The following GPR141 variants were observed in gnomAD, a reference collection of about 807,000 sequenced individuals.
GPR141 encodes G protein-coupled receptor 141.
A neutral mutation model predicts 6.8 loss-of-function variants in GPR141; 6 were observed. That is an observed-to-expected ratio of 0.88 (90% confidence interval 0.48 to 1.74). GPR141 has a LOEUF of 1.74. Ranked by LOEUF, GPR141 falls within the 40% of genes most tolerant of loss-of-function variation. The pLI is 0.01. For synonymous variants in GPR141, 140 were observed against 142.3 expected (o/e 0.98, Z 0.11); for missense variants, 372 against 372.9 (o/e 1.00, Z 0.02).
At chr7:37,714,676 A>G (rs1810963137) in intron 2 of GPR141, among the ~76,000 whole-genome samples, 1 of 152,208 alleles carries the variant, frequency 6.6e-6, no homozygotes, top group South Asian at 2.1e-4. Context: ...CTTCCCTTCC[A>G]TTGTCCTCAC....
At chr7:37,720,639 G>A (rs1811272603) in intron 2 of GPR141, among the ~76,000 whole-genome samples, 1 of 151,740 alleles carries the variant, frequency 6.6e-6, no homozygotes, top group African/African-American at 2.4e-5. Context: ...TACTCAGGAG[G>A]CTGAGGCAGG....
rs574467997 is a variant in GPR141, at chr7:37,699,142, G to A, written c.-15+13559G>A. On this transcript the variant is annotated intron_variant, in intron 2 of 2. Transcript: ENST00000334425. ...AAAACATACTTTGATCCAGAATCAC[G>A]GATTGGCAGTTTTTTTTTCTATGAA... is the stretch of plus-strand genomic sequence containing the variant. 2.6e-5 allele frequency among the ~76,000 whole-genome samples: 4 copies of A among 152,282 alleles called. No homozygotes were observed. The South Asian group carries it at 6.2e-4, about 24-fold the overall frequency.
At chr7:37,732,510 G>A (rs559305316) in intron 2 of GPR141, among the ~76,000 whole-genome samples, 12 of 152,214 alleles carry the variant, frequency 7.9e-5, no homozygotes, top group Admixed American at 1.3e-4. Flanking sequence ...CTGATTAAGT[G>A]TGGACAGAGC....
At chr7:37,691,287 CCTTTTTTTTTTTT>C (rs1809753907) in intron 2 of GPR141, among the ~76,000 whole-genome samples, 2 of 93,662 alleles carry the variant, frequency 2.1e-5, no homozygotes, top group Admixed American at 1.5e-4. Flanking sequence ...CAGTCTATAT[CCTTTTTTTTTTTT>C]TTTTTTTTTT....
At chr7:37,690,011 T>G (rs866462234) in intron 2 of GPR141, among the ~76,000 whole-genome samples, 1 of 152,090 alleles carries the variant, frequency 6.6e-6, no homozygotes, top group Non-Finnish European at 1.5e-5. Flanking sequence ...TTTCTACTTT[T>G]TCGATGTAGG....
At chr7:37,718,511 CGAAGGAAGGAAGAAAG>C (rs1179425349) in intron 2 of GPR141, among the ~76,000 whole-genome samples, 5,169 of 87,222 alleles carry the variant, frequency 0.059, 305 homozygotes, top group African/African-American at 0.19. Context: ...GACTCTGTCT[CGAAGGAAGGAAGAAAG>C]GAAGGAAGGA....
intron 2 of GPR141, among the ~76,000 whole-genome samples, chr7:37,711,188 G>C (rs1183820561): frequency 6.6e-6 from 1 of 152,154 alleles, no homozygotes; most frequent in Non-Finnish European, 1.5e-5. Flanking sequence ...AATTTAATAT[G>C]ACCAGGAATC....
intron 2 of GPR141, among the ~76,000 whole-genome samples, chr7:37,726,045 TAC>T (rs1811610243): frequency 6.6e-6 from 1 of 152,214 alleles, no homozygotes; most frequent in Admixed American, 6.5e-5. Context: ...GATATTCACA[TAC>T]AATTTCTCTC....
chr7:37,722,375 G>C (rs1461589913), intron 2 of GPR141, among the ~76,000 whole-genome samples: 2 of 151,512 alleles, frequency 1.3e-5, no homozygotes, highest in Admixed American at 6.6e-5. Context: ...AGGATGACTT[G>C]AGGCCAGGAG....
chr7:37,717,093 A>G (rs1221320686), intron 2 of GPR141, among the ~76,000 whole-genome samples: 1 of 152,252 alleles, frequency 6.6e-6, no homozygotes, highest in African/African-American at 2.4e-5. Context: ...TGTCCAAACC[A>G]TGGGTGCATC....
At chr7:37,698,561 G>T (rs755206872) in intron 2 of GPR141, among the ~76,000 whole-genome samples, 1 of 152,120 alleles carries the variant, frequency 6.6e-6, no homozygotes, top group Non-Finnish European at 1.5e-5. Flanking sequence ...GGTAACTGGG[G>T]ATTTGCTATG....
chr7:37,712,416 A>G (rs1406468613), intron 2 of GPR141, among the ~76,000 whole-genome samples: 4 of 152,160 alleles, frequency 2.6e-5, no homozygotes, highest in Non-Finnish European at 5.9e-5. Flanking sequence ...AAAGAGGATG[A>G]AAGAAACAAA....
chr7:37,689,939 A>G (rs1264267212), intron 2 of GPR141, among the ~76,000 whole-genome samples: 1 of 148,918 alleles, frequency 6.7e-6, no homozygotes, highest in African/African-American at 2.5e-5. Context: ...CCTTCTTCTA[A>G]TTTGGGGTTT....
Position 37,743,588 on chromosome 7 carries a change from T to A in GPR141, c.*2277T>A, listed in dbSNP as rs1812674911. On this transcript the variant is annotated 3_prime_UTR_variant, in exon 3 of 3. Coordinates refer to ENST00000334425, the MANE Select transcript of GPR141 (RefSeq NM_001381946.1). The stretch of plus-strand genomic sequence containing the variant: ...AGAAAAATATTTAAATTAAAAGTAT[T>A]CATGAGAATTTCATTACCTTGTAGA... 6.6e-6 allele frequency among the ~76,000 whole-genome samples: 1 copy of A among 152,002 alleles called. No homozygotes were observed. Among genetic ancestry groups the A allele is most frequent in the African/African-American group, 2.4e-5 (1 of 41,436 alleles).
At chr7:37,735,255 A>G (rs565138709) in intron 2 of GPR141, among the ~76,000 whole-genome samples, 6 of 152,252 alleles carry the variant, frequency 3.9e-5, no homozygotes, top group Admixed American at 6.5e-5. Flanking sequence ...AAAAGCTCAA[A>G]GCAACTTCTT....
chr7:37,697,111 T>C (rs1192921815), intron 2 of GPR141, among the ~76,000 whole-genome samples: 4 of 152,306 alleles, frequency 2.6e-5, no homozygotes, highest in East Asian at 3.9e-4. Flanking sequence ...GAAGACTTTC[T>C]GAAAATCTAT....
chr7:37,733,671 C>CA (rs55943222), intron 2 of GPR141, among the ~76,000 whole-genome samples: 13,858 of 100,996 alleles, frequency 0.14, 895 homozygotes, highest in East Asian at 0.22. Context: ...AACTCCATCT[C>CA]AAAAAAAAAA....
chr7:37,721,927 C>T (rs985029822), intron 2 of GPR141, among the ~76,000 whole-genome samples: 22 of 152,124 alleles, frequency 1.4e-4, no homozygotes, highest in African/African-American at 5.3e-4. Context: ...TATATTTCAC[C>T]TACAGTGAAT....
rs888312397 is a variant in GPR141, at chr7:37,741,820, G to C, written c.*509G>C. Among the ~76,000 whole-genome samples, 5 of 152,108 alleles carry C rather than the reference G, an allele frequency of 3.3e-5. No individual in the cohort carries two copies. The highest frequency in any genetic ancestry group is 1.2e-4 in the African/African-American group (5 of 41,420). On this transcript the variant is annotated 3_prime_UTR_variant, in exon 3 of 3. Coordinates refer to ENST00000334425, the MANE Select transcript of GPR141 (RefSeq NM_001381946.1). ...CCTGATAAAAACTGATAAGGGGAGAGAATAGTTAAAAATTTTTCTAGGGTA... is the reference window on the plus strand; with the variant it reads ...CCTGATAAAAACTGATAAGGGGAGACAATAGTTAAAAATTTTTCTAGGGTA...
Sources: gnomAD v4.1 joint callset for allele counts (sites outside exome capture counted in the v4.1 genomes callset) on GRCh38, gnomAD v4.1.1 for gene constraint, MANE v1.5 for transcripts, NCBI Gene and HGNC (gene_info 2026-07-23, HGNC 2026-07-21) for gene names.